ZSCAN25: variants seen among roughly 807,000 people sequenced by gnomAD.
ZSCAN25 encodes the protein zinc finger and SCAN domain-containing protein 25.
ZSCAN25 carries 27 observed loss-of-function variants against 38.7 expected under a neutral mutation model. The observed-to-expected ratio is 0.70, with a 90% CI of 0.51 to 0.96. The LOEUF (loss-of-function observed/expected upper bound fraction) is 0.96. Among genes scored for constraint, ZSCAN25 ranks in the 40% least tolerant of loss-of-function variants. The pLI, the probability that ZSCAN25 is intolerant of heterozygous loss-of-function variation, is 0.00. For synonymous variants in ZSCAN25, 273 were observed against 277.7 expected, an observed-to-expected ratio of 0.98 and a Z score of 0.17; for missense variants, 637 against 705.9, an observed-to-expected ratio of 0.90 and a Z score of 1.11.
the ZSCAN25 span, among the ~76,000 whole-genome samples, chr7:99,728,969 A>G: frequency 6.6e-6 from 1 of 152,228 alleles, no homozygotes; most frequent in Non-Finnish European, 1.5e-5. Flanking sequence ...CACTGCTGAA[A>G]AAGGAGTACT....
chr7:99,724,969 C>T, the ZSCAN25 span, among the ~76,000 whole-genome samples: 2 of 152,100 alleles, frequency 1.3e-5, no homozygotes, highest in African/African-American at 4.8e-5. Context: ...ACACTGACAC[C>T]CACCAGTGCC....
At chr7:99,654,393 T>C in the ZSCAN25 span, among the ~76,000 whole-genome samples, 1 of 152,150 alleles carries the variant, frequency 6.6e-6, no homozygotes, top group African/African-American at 2.4e-5. Context: ...CATCCATGTC[T>C]CTACAAAGGA....
chr7:99,722,273 A>G, the ZSCAN25 span: 13 of 1,613,326 alleles, frequency 8.1e-6, no homozygotes, highest in Admixed American at 1.3e-4. Flanking sequence ...AGTCTATCCA[A>G]TGGAATCTTC....
the ZSCAN25 span, among the ~76,000 whole-genome samples, chr7:99,662,054 G>A: frequency 5.3e-5 from 8 of 152,294 alleles, no homozygotes; most frequent in East Asian, 1.2e-3. This position sits in a 1 kb window ranked among gnomAD's most constrained non-coding sequence, Gnocchi z 4.3. Flanking sequence ...ATGATTAATT[G>A]ATAAATTATA....
chr7:99,660,243 TTTA>T, the ZSCAN25 span: 1 of 958,430 alleles, frequency 1.0e-6, no homozygotes, highest in Non-Finnish European at 1.2e-6. Context: ...TTTTTTTTTT[TTTA>T]CTTAGCATTA....
At chr7:99,650,123 G>A in the ZSCAN25 span, 85 of 1,614,142 alleles carry the variant, frequency 5.3e-5, no homozygotes, top group African/African-American at 9.7e-4. Context: ...ACTCTGATTA[G>A]AGCAAGTTTC....
In ZSCAN25 at chr7:99,619,970, G is replaced by A. The variant is rs765762924; in HGVS notation, c.364G>A (p.Glu122Lys). 2.5e-6 allele frequency: 4 copies of A among 1,613,570 alleles called. No individual in the cohort carries two copies. The African/African-American group carries it at 4.0e-5, about 16-fold the overall frequency. Reference protein sequence around the residue: ...ALAAMVEDLTERALEAKAVPC... With the variant: ...ALAAMVEDLTKRALEAKAVPC... ...GGCCGCCATGGTGGAGGACCTGACA[G>A]AAAGAGCACTGGAGGCCAAGGCGGT... is the stretch of plus-strand genomic sequence containing the variant. The change falls in exon 4 of 8, where the codon GAA becomes AAA. Residue 122 changes from glutamate (E) to lysine (K), a missense_variant. Glu to Lys is a moderately conservative substitution (Grantham distance 56). Transcript: ENST00000394152.
chr7:99,669,668 A>C, the ZSCAN25 span, among the ~76,000 whole-genome samples: 7 of 152,232 alleles, frequency 4.6e-5, no homozygotes, highest in Non-Finnish European at 1.0e-4. Context: ...GACACTACAG[A>C]TACGGCACAA....
intron 7 of ZSCAN25, among the ~76,000 whole-genome samples, chr7:99,626,311 G>A (rs1807466487): frequency 6.6e-6 from 1 of 152,202 alleles, no homozygotes; most frequent in South Asian, 2.1e-4. Flanking sequence ...GTAGAGTGAG[G>A]CCGCTGAGGA....
the ZSCAN25 span, among the ~76,000 whole-genome samples, chr7:99,655,780 G>A: frequency 6.6e-6 from 1 of 152,112 alleles, no homozygotes; most frequent in South Asian, 2.1e-4. Context: ...AATTCTCCTT[G>A]AAGAGGTCCT....
chr7:99,628,462 A>T (rs1807688016), intron 7 of ZSCAN25, among the ~76,000 whole-genome samples: 1 of 152,146 alleles, frequency 6.6e-6, no homozygotes, highest in Non-Finnish European at 1.5e-5. Flanking sequence ...TAGAGAGAAT[A>T]TAAGAAGGAT....
At chr7:99,690,672 C>G in the ZSCAN25 span, among the ~76,000 whole-genome samples, 112 of 152,054 alleles carry the variant, frequency 7.4e-4, 2 homozygotes, top group South Asian at 2.3e-3. Context: ...CATTTATGCA[C>G]CCAACAGACA....
At chr7:99,734,637 T>C in the ZSCAN25 span, among the ~76,000 whole-genome samples, 22 of 151,734 alleles carry the variant, frequency 1.4e-4, no homozygotes, top group South Asian at 1.7e-3. Flanking sequence ...TTTTTTTTTT[T>C]TTGAGATGGA....
rs143193899 is a variant in ZSCAN25 at position 99,622,685 on chromosome 7, T to C, written c.681+45T>C. 6.4e-4 allele frequency: 1,009 copies of C among 1,578,020 alleles called. 4 individuals carry two copies. In the African/African-American group the frequency reaches 0.012, roughly 19 times the overall value. Reference sequence around the variant, plus strand: ...GCAGAAATCATGACCGTTGCTTTGATTGAGGTTCACCTTCCCCAAGGTTTC... The same window carrying C: ...GCAGAAATCATGACCGTTGCTTTGACTGAGGTTCACCTTCCCCAAGGTTTC... On this transcript the variant is annotated intron_variant, in intron 6 of 7. Coordinates refer to ENST00000394152, the MANE Select transcript of ZSCAN25 (RefSeq NM_145115.3).
At chr7:99,695,248 C>T in the ZSCAN25 span, among the ~76,000 whole-genome samples, 1 of 152,098 alleles carries the variant, frequency 6.6e-6, no homozygotes, top group African/African-American at 2.4e-5. Context: ...GTGCGAATGA[C>T]CCAATGGTAA....
intron 7 of ZSCAN25, among the ~76,000 whole-genome samples, chr7:99,624,910 G>A (rs1196549034): frequency 1.3e-5 from 2 of 152,204 alleles, no homozygotes; most frequent in African/African-American, 4.8e-5. Flanking sequence ...CCGGCGGGGA[G>A]AGGAAACACT....
At chr7:99,674,495 T>G in the ZSCAN25 span, 1 of 1,551,586 alleles carries the variant, frequency 6.4e-7, no homozygotes, top group South Asian at 1.1e-5. Flanking sequence ...CTCCTCACAG[T>G]AGCAGGTCTA....
chr7:99,627,832 T>C (rs1385620379), intron 7 of ZSCAN25, among the ~76,000 whole-genome samples: 1 of 152,094 alleles, frequency 6.6e-6, no homozygotes, highest in Non-Finnish European at 1.5e-5. Context: ...TGTATATGTA[T>C]ATACTGTATA....
the ZSCAN25 span, among the ~76,000 whole-genome samples, chr7:99,654,804 G>T: frequency 6.6e-6 from 1 of 152,146 alleles, no homozygotes; most frequent in African/African-American, 2.4e-5. Flanking sequence ...ATCTCATTGT[G>T]GTTTTGATTT....
Sources: gnomAD v4.1 joint callset for allele counts (sites outside exome capture counted in the v4.1 genomes callset) on GRCh38, gnomAD v4.1.1 for gene constraint, Gnocchi (gnomAD v3.1) non-coding constraint, MANE v1.5 for transcripts, NCBI Gene and HGNC (gene_info 2026-07-23, HGNC 2026-07-21) for gene names.